The following GJB1 variants were observed in gnomAD, a reference collection of about 807,000 sequenced individuals.
GJB1 encodes gap junction protein beta 1.
In GJB1, 1 loss-of-function variant was observed where a neutral mutation model predicts 12.0. The observed-to-expected ratio is 0.08, with a 90% CI of 0.03 to 0.40. GJB1 has a LOEUF of 0.40. Ranked by LOEUF, GJB1 falls within the 10% of genes least tolerant of loss-of-function variation. GJB1 has a pLI of 0.98. For synonymous variants in GJB1, 114 were observed against 102.8 expected (o/e 1.11, Z -0.66); for missense variants, 140 against 250.3 (o/e 0.56, Z 2.97).
chrX:71,222,806 T>G (rs750228287), upstream of GJB1: 2 of 111,287 alleles, frequency 1.8e-5, no homozygotes, highest in South Asian at 7.5e-4. Flanking sequence ...GCTTCATAAA[T>G]GAGCTCTCTT....
At position 71,225,205 on chromosome X, in the gene GJB1, G is replaced by A. The variant is rs192351242; in HGVS notation, c.*646G>A. The A allele has an allele frequency of 8.1e-6, 1 of 124,156 alleles. No individual in the cohort carries two copies. Among genetic ancestry groups the A allele is most frequent in the Non-Finnish European group, 1.9e-5 (1 of 53,874 alleles). The allele number at this position is 124,156 out of a possible 1,213,427, so 10.2% of individuals were successfully genotyped here. A position where few individuals can be genotyped will look rare whatever the true frequency, so the allele number is the denominator to read the frequency against. ...AACAGGATTTTACAGTAAATGAAGA[G>A]GTGGCTTGTGTGTTTGTCAAGTTCT... On this transcript the variant is annotated 3_prime_UTR_variant, in exon 2 of 2. Coordinates refer to ENST00000361726, the MANE Select transcript of GJB1 (RefSeq NM_000166.6).
At chrX:71,220,142 C>CTTTTTTTTT (rs41353351), upstream of GJB1, among the ~76,000 whole-genome samples, 8 of 52,805 alleles carry the variant, frequency 1.5e-4, 1 homozygote, top group African/African-American at 1.0e-3. Context: ...TGTGCCTGGC[C>CTTTTTTTTT]TTTTTTTTTT....
intron 1 of GJB1, among the ~76,000 whole-genome samples, chrX:71,216,290 A>C (rs959556599): frequency 1.8e-5 from 2 of 110,675 alleles, no homozygotes; most frequent in South Asian, 7.7e-4. Context: ...GAATACAGAC[A>C]AGAGGGGTTT....
chrX:71,220,041 C>G (rs893865088), upstream of GJB1, among the ~76,000 whole-genome samples: 1 of 106,150 alleles, frequency 9.4e-6, no homozygotes, highest in African/African-American at 3.4e-5. Flanking sequence ...CATGGTTTCA[C>G]CACGTTGGTC....
upstream of GJB1, among the ~76,000 whole-genome samples, chrX:71,218,306 G>T (rs1286866785): frequency 9.4e-6 from 1 of 106,197 alleles, no homozygotes; most frequent in Non-Finnish European, 1.9e-5. Flanking sequence ...AAAAAGAAAA[G>T]AAAGAGTTGT....
At chrX:71,223,141 T>C (rs2147944301), upstream of GJB1, 1 of 134,830 alleles carries the variant, frequency 7.4e-6, no homozygotes, top group Non-Finnish European at 1.5e-5. Flanking sequence ...TTGATCTGAA[T>C]TCTAAAGGGC....
chrX:71,222,893 C>A (rs972227557), upstream of GJB1: 27 of 111,742 alleles, frequency 2.4e-4, no homozygotes, highest in African/African-American at 8.5e-4. Context: ...AAGCTTCTGA[C>A]GGGGCCATGG....
upstream of GJB1, among the ~76,000 whole-genome samples, chrX:71,221,085 C>A (rs2092537034): frequency 9.3e-6 from 1 of 107,480 alleles, no homozygotes; most frequent in Admixed American, 1.0e-4. Flanking sequence ...TTAGTAGAGA[C>A]GAGGTTTCAC....
At position 71,224,579 on chromosome X, in the gene GJB1, TC is replaced by T; in HGVS notation, c.*23del. On this transcript the variant is annotated 3_prime_UTR_variant, in exon 2 of 2. Coordinates refer to ENST00000361726, the MANE Select transcript of GJB1 (RefSeq NM_000166.6). ...TGCTGATGCCACATACCAGGCAACC[TC>T]CCATCCCACCCCCGACCCTGCCCTG... 1 of 1,155,289 alleles carries T rather than the reference TC, an allele frequency of 8.7e-7. No individual in the cohort carries two copies. The highest frequency in any genetic ancestry group is 1.2e-6 in the Non-Finnish European group (1 of 860,073).
At chrX:71,222,657 A>G (rs1235731034), upstream of GJB1, 1 of 106,531 alleles carries the variant, frequency 9.4e-6, no homozygotes, top group Non-Finnish European at 1.9e-5. Flanking sequence ...CATCCTACCT[A>G]TCCTACCGCT....
chrX:71,218,779 A>G (rs41413544), upstream of GJB1, among the ~76,000 whole-genome samples: 16,764 of 101,009 alleles, frequency 0.17, 1,117 homozygotes, highest in Middle Eastern at 0.23. Flanking sequence ...CCAGCTACTC[A>G]AGAGTCTGAG....
At chrX:71,216,381 C>T (rs772269146) in intron 1 of GJB1, among the ~76,000 whole-genome samples, 1 of 110,540 alleles carries the variant, frequency 9.0e-6, no homozygotes, top group East Asian at 2.8e-4. Flanking sequence ...AATACGATTC[C>T]TACTCTGAGC....
rs2092547404 is a variant in GJB1 at position 71,224,660 on chromosome X, A to C, written c.*101A>C. The C allele has an allele frequency of 1.3e-6, 1 of 753,506 alleles. No individual in the cohort carries two copies. Among genetic ancestry groups the C allele is most frequent in the Non-Finnish European group, 2.0e-6 (1 of 503,167 alleles). The allele number at this position is 753,506 out of a possible 1,213,427, so 62.1% of individuals were successfully genotyped here. On this transcript the variant is annotated 3_prime_UTR_variant, in exon 2 of 2. Coordinates refer to ENST00000361726, the MANE Select transcript of GJB1 (RefSeq NM_000166.6). ...CACAGGCCTCTGCCTGCTGGGGATT[A>C]CTCGATCAAAACCTTCCTTCCCTGG...
At chrX:71,217,104 A>ATGTGTGTGTGTGTGTGTGTGTGTGTG (rs34246909) in intron 1 of GJB1, among the ~76,000 whole-genome samples, 6 of 93,570 alleles carry the variant, frequency 6.4e-5, no homozygotes, top group Admixed American at 1.2e-4. Flanking sequence ...GACTAGACGA[A>ATGTGTGTGTGTGTGTGTGTGTGTGTG]TGTGTGTGTG....
upstream of GJB1, among the ~76,000 whole-genome samples, chrX:71,220,529 C>T (rs1272677238): frequency 1.9e-5 from 2 of 107,620 alleles, no homozygotes; most frequent in African/African-American, 3.4e-5. Flanking sequence ...TTTTCCGAGA[C>T]GGAGTCTCAC....
upstream of GJB1, among the ~76,000 whole-genome samples, chrX:71,219,998 A>G (rs1176632957): frequency 1.9e-5 from 2 of 104,275 alleles, no homozygotes; most frequent in Non-Finnish European, 3.9e-5. Flanking sequence ...ATGCGCCACC[A>G]CGCCCAGCTA....
chrX:71,215,728 G>A (rs1433338604), intron 1 of GJB1, among the ~76,000 whole-genome samples: 2 of 111,647 alleles, frequency 1.8e-5, no homozygotes, highest in Non-Finnish European at 3.8e-5. Context: ...ACCCAACACG[G>A]GGCTGCGAGT....
upstream of GJB1, among the ~76,000 whole-genome samples, chrX:71,219,642 C>T (rs1174795687): frequency 9.9e-6 from 1 of 101,222 alleles, no homozygotes; most frequent in African/African-American, 3.6e-5. Context: ...GGCGTGGTGG[C>T]GGGCGCCTGT....
upstream of GJB1, among the ~76,000 whole-genome samples, chrX:71,218,477 G>A (rs1162541281): frequency 1.9e-5 from 2 of 106,993 alleles, no homozygotes; most frequent in African/African-American, 6.9e-5. Flanking sequence ...ATGGGAAAGA[G>A]TATGTGCTCT....
Sources: gnomAD v4.1 joint callset for allele counts (sites outside exome capture counted in the v4.1 genomes callset) on GRCh38, gnomAD v4.1.1 for gene constraint, MANE v1.5 for transcripts, NCBI Gene and HGNC (gene_info 2026-07-23, HGNC 2026-07-21) for gene names.